The following SGCD variants were observed in gnomAD, a reference collection of about 807,000 sequenced individuals.
SGCD encodes the protein sarcoglycan delta.
In SGCD, 18 loss-of-function variants were observed where a neutral mutation model predicts 36.6. The ratio of observed to expected loss-of-function variants is 0.49; its 90% CI spans 0.34 to 0.73. The LOEUF (loss-of-function observed/expected upper bound fraction) is 0.73. SGCD is among the 30% of genes least tolerant of loss of function. The pLI is 0.01. For missense variants in SGCD, 387 were observed against 346.7 expected, an observed-to-expected ratio of 1.12 and a Z score of -0.92; for synonymous variants, 133 against 130.6, an observed-to-expected ratio of 1.02 and a Z score of -0.12.
chr5:156,541,369 T>A (rs1406495784), intron 4 of SGCD, among the ~76,000 whole-genome samples: 1 of 151,756 alleles, frequency 6.6e-6, no homozygotes, highest in Non-Finnish European at 1.5e-5. Context: ...GTAGCAAGAG[T>A]AGGAACAAAG....
chr5:156,643,040 G>GTTTTT (rs11407627), intron 6 of SGCD, among the ~76,000 whole-genome samples: 1 of 141,200 alleles, frequency 7.1e-6, no homozygotes. Context: ...TTTTTTGTTT[G>GTTTTT]TTTTTTTTTG....
chr5:155,970,309 T>C (rs1467541016), intron 1 of SGCD, among the ~76,000 whole-genome samples: 1 of 152,160 alleles, frequency 6.6e-6, no homozygotes, highest in Non-Finnish European at 1.5e-5. Flanking sequence ...ATGTTGCTTG[T>C]GTAATAACTA....
At chr5:156,348,623 C>T (rs1162921308) in intron 3 of SGCD, among the ~76,000 whole-genome samples, 1 of 152,006 alleles carries the variant, frequency 6.6e-6, no homozygotes, top group Non-Finnish European at 1.5e-5. Context: ...AAATGGAAAA[C>T]CATCCCATGC....
At chr5:156,572,473 A>G (rs1340908257) in intron 4 of SGCD, among the ~76,000 whole-genome samples, 1 of 152,054 alleles carries the variant, frequency 6.6e-6, no homozygotes, top group African/African-American at 2.4e-5. Context: ...CCCAATTTTT[A>G]GCCTCATTTT....
chr5:155,904,083 G>C (rs1402496619), intron 1 of SGCD, among the ~76,000 whole-genome samples: 3 of 152,198 alleles, frequency 2.0e-5, no homozygotes, highest in Admixed American at 6.5e-5. Flanking sequence ...CTGTGAGGAA[G>C]TGTGAAAATA....
intron 3 of SGCD, among the ~76,000 whole-genome samples, chr5:156,187,236 A>G (rs1039401222): frequency 1.3e-5 from 2 of 152,152 alleles, no homozygotes; most frequent in African/African-American, 4.8e-5. Flanking sequence ...AGATGGCTTC[A>G]TGGAGGGCAT....
At chr5:156,436,822 C>A (rs530446378) in intron 3 of SGCD, among the ~76,000 whole-genome samples, 1 of 152,266 alleles carries the variant, frequency 6.6e-6, no homozygotes, top group East Asian at 1.9e-4. Context: ...CATGTAACCA[C>A]CCCTCCCAGA....
the SGCD span, among the ~76,000 whole-genome samples, chr5:155,820,607 G>A: frequency 1.3e-5 from 2 of 152,180 alleles, no homozygotes; most frequent in African/African-American, 4.8e-5. Context: ...TGAGGTGGGA[G>A]GATAGCTTGA....
intron 3 of SGCD, among the ~76,000 whole-genome samples, chr5:156,168,419 A>T (rs915183156): frequency 1.3e-5 from 2 of 152,062 alleles, no homozygotes; most frequent in Admixed American, 1.3e-4. Context: ...TTTCTGCATA[A>T]CATAAGTTAC....
chr5:156,753,794 A>G (rs1001557350), intron 7 of SGCD, among the ~76,000 whole-genome samples: 2 of 152,150 alleles, frequency 1.3e-5, no homozygotes, highest in African/African-American at 4.8e-5. Context: ...AACCACCCCC[A>G]TGATTCAATT....
At chr5:155,920,416 G>A (rs1756850942) in intron 1 of SGCD, among the ~76,000 whole-genome samples, 1 of 152,120 alleles carries the variant, frequency 6.6e-6, no homozygotes, top group Admixed American at 6.5e-5. Context: ...GAGTTTATAG[G>A]GGAGTATGAT....
intron 1 of SGCD, among the ~76,000 whole-genome samples, chr5:155,942,330 G>GTGTGTATC (rs1554105950): frequency 3.0e-5 from 4 of 135,518 alleles, no homozygotes; most frequent in Admixed American, 1.5e-4. Flanking sequence ...ATGTATGTAT[G>GTGTGTATC]TATGTATCTA....
intron 1 of SGCD, among the ~76,000 whole-genome samples, chr5:156,106,958 A>T (rs1761662985): frequency 6.6e-6 from 1 of 152,158 alleles, no homozygotes; most frequent in Admixed American, 6.6e-5. Context: ...GAAAATGTGT[A>T]TCCTATTGCT....
chr5:156,465,144 G>T (rs571040346), intron 3 of SGCD, among the ~76,000 whole-genome samples: 13 of 152,218 alleles, frequency 8.5e-5, no homozygotes, highest in African/African-American at 2.9e-4. Context: ...TTACCAGAGG[G>T]AATCAGTGTT....
chr5:155,972,304 A>G (rs1291215451), intron 1 of SGCD, among the ~76,000 whole-genome samples: 1 of 152,182 alleles, frequency 6.6e-6, no homozygotes, highest in South Asian at 2.1e-4. Flanking sequence ...ATATTCTTTC[A>G]GGCATTTTTA....
chr5:156,747,248 A>C (rs980055831), intron 7 of SGCD, among the ~76,000 whole-genome samples: 1 of 152,252 alleles, frequency 6.6e-6, no homozygotes, highest in Non-Finnish European at 1.5e-5. Flanking sequence ...CCTGGAAAAC[A>C]GTTTGACAAT....
At chr5:155,873,266 C>T (rs1204017914) in intron 1 of SGCD, among the ~76,000 whole-genome samples, 1 of 152,116 alleles carries the variant, frequency 6.6e-6, no homozygotes, top group Non-Finnish European at 1.5e-5. Flanking sequence ...GAATATCCTT[C>T]TTTTAAAGTA....
intron 4 of SGCD, among the ~76,000 whole-genome samples, chr5:156,543,457 C>T (rs1343074914): frequency 6.6e-6 from 1 of 152,156 alleles, no homozygotes; most frequent in Non-Finnish European, 1.5e-5. Flanking sequence ...AGTCTGGAGA[C>T]CTCAGGCAGT....
Position 156,521,016 on chromosome 5 carries a change from CAAAAAAA to C in SGCD, c.294+12333_294+12339del, listed in dbSNP as rs3075012. ...TGAGTGACAGAGCGAGACTCCGTCT[CAAAAAAA>C]AAAAAAAAAAAAAAAAAAGACCACA... On this transcript the variant is annotated intron_variant, in intron 4 of 8. Transcript: ENST00000337851. 6.2e-4 allele frequency among the ~76,000 whole-genome samples: 35 copies of C among 56,742 alleles called. 1 individual carries two copies. Among genetic ancestry groups the C allele is most frequent in the Admixed American group, 1.5e-3 (7 of 4,650 alleles). 37.2% of individuals were successfully genotyped at this position (56,742 alleles called of 152,430 possible).
Sources: allele counts gnomAD v4.1 joint callset (sites outside exome capture counted in the v4.1 genomes callset), GRCh38; gene constraint gnomAD v4.1.1; transcripts MANE v1.5; gene names NCBI Gene and HGNC (gene_info 2026-07-23, HGNC 2026-07-21).